The following TMED3 variants were observed in gnomAD, a reference collection of about 807,000 sequenced individuals.
TMED3 encodes transmembrane p24 trafficking protein 3.
In TMED3, 9 loss-of-function variants were observed where a neutral mutation model predicts 15.0. The ratio of observed to expected loss-of-function variants is 0.60; its 90% CI spans 0.36 to 1.04. The LOEUF (loss-of-function observed/expected upper bound fraction) is 1.04, where lower values mean the gene tolerates loss of function less well. Among genes scored for constraint, TMED3 ranks in the 50% least tolerant of loss-of-function variants. The pLI is 0.01. For synonymous variants in TMED3, 117 were observed against 121.4 expected, an observed-to-expected ratio of 0.96 and a Z score of 0.24; for missense variants, 267 against 278.9, an observed-to-expected ratio of 0.96 and a Z score of 0.30.
chr15:79,317,731 T>A (rs531422889), intron 2 of TMED3, among the ~76,000 whole-genome samples: 143 of 152,358 alleles, frequency 9.4e-4, no homozygotes, highest in African/African-American at 3.3e-3. Flanking sequence ...CACTTTGTTA[T>A]GAAGTCCTGT....
intron 2 of TMED3, among the ~76,000 whole-genome samples, chr15:79,357,002 T>A (rs539087831): frequency 6.6e-6 from 1 of 151,698 alleles, no homozygotes; most frequent in South Asian, 2.1e-4. Flanking sequence ...AAACAGAATG[T>A]GTAGTATGAA....
chr15:79,397,856 G>A (rs1893781311), intron 2 of TMED3, among the ~76,000 whole-genome samples: 1 of 152,120 alleles, frequency 6.6e-6, no homozygotes, highest in Non-Finnish European at 1.5e-5. Flanking sequence ...TAGGTTCATG[G>A]CAAAATTGAA....
intron 2 of TMED3, among the ~76,000 whole-genome samples, chr15:79,356,750 C>T (rs1015026517): frequency 3.9e-5 from 6 of 152,274 alleles, no homozygotes; most frequent in Non-Finnish European, 5.9e-5. Flanking sequence ...TTTTTCTTTT[C>T]AGGAATTTAT....
intron 2 of TMED3, among the ~76,000 whole-genome samples, chr15:79,385,298 G>C (rs1303053748): frequency 6.6e-6 from 1 of 152,166 alleles, no homozygotes; most frequent in East Asian, 1.9e-4. Context: ...GTCTAACTCA[G>C]GCAAGGTGAG....
chr15:79,331,702 A>G (rs1250869898), intron 2 of TMED3, among the ~76,000 whole-genome samples: 2 of 152,198 alleles, frequency 1.3e-5, no homozygotes, highest in East Asian at 1.9e-4. Context: ...AAACATATCA[A>G]AGATAAAAAA....
intron 2 of TMED3, among the ~76,000 whole-genome samples, chr15:79,390,403 C>T (rs1595909091): frequency 7.2e-5 from 11 of 152,162 alleles, no homozygotes; most frequent in Admixed American, 5.9e-4. Flanking sequence ...TATTGACTTG[C>T]GTATGTTAAA....
At chr15:79,328,297 C>T (rs2058794658) in intron 2 of TMED3, among the ~76,000 whole-genome samples, 1 of 152,006 alleles carries the variant, frequency 6.6e-6, no homozygotes, top group South Asian at 2.1e-4. Flanking sequence ...GTATCACTTG[C>T]CTTCGAAAAG....
At chr15:79,321,642 C>G (rs921458133) in intron 2 of TMED3, among the ~76,000 whole-genome samples, 14 of 152,134 alleles carry the variant, frequency 9.2e-5, no homozygotes, top group Non-Finnish European at 1.5e-4. Context: ...GGGATAAGCC[C>G]TCGTTAACAG....
At chr15:79,380,777 G>A (rs751384646) in intron 2 of TMED3, among the ~76,000 whole-genome samples, 3 of 151,950 alleles carry the variant, frequency 2.0e-5, no homozygotes, top group African/African-American at 4.8e-5. Context: ...CATAGGCTCC[G>A]ATGTCTCACT....
chr15:79,380,477 TTATA>T (rs1156300764), intron 2 of TMED3, among the ~76,000 whole-genome samples: 3 of 147,454 alleles, frequency 2.0e-5, no homozygotes, highest in East Asian at 2.0e-4. Flanking sequence ...TTATATATAG[TTATA>T]TATAGTTATA....
At chr15:79,383,439 T>A (rs773151556) in intron 2 of TMED3, 1 of 182,830 alleles carries the variant, frequency 5.5e-6, no homozygotes, top group Non-Finnish European at 1.1e-5. Flanking sequence ...AATTTACCCA[T>A]GGTTACAGTT....
At chr15:79,343,683 A>G (rs987667688) in intron 2 of TMED3, among the ~76,000 whole-genome samples, 12 of 152,160 alleles carry the variant, frequency 7.9e-5, no homozygotes, top group Admixed American at 2.0e-4. Context: ...GTCCAGGCAG[A>G]CATGACAATG....
chr15:79,411,320 C>A, intron 2 of TMED3: 2 of 675,288 alleles, frequency 3.0e-6, no homozygotes, highest in Middle Eastern at 2.8e-4. Context: ...CTAGAGAATG[C>A]AAATGGAGGG....
chr15:79,338,913 T>C (rs1043656797), intron 2 of TMED3, among the ~76,000 whole-genome samples: 6 of 151,390 alleles, frequency 4.0e-5, no homozygotes, highest in African/African-American at 1.5e-4. Context: ...GGAAAGGGAG[T>C]CTCCCTTTCC....
Position 79,311,152 on chromosome 15 carries a change from C to G in TMED3, c.-98C>G. On this transcript the variant is annotated 5_prime_UTR_variant, in exon 1 of 3. Coordinates refer to ENST00000299705, the MANE Select transcript of TMED3 (RefSeq NM_007364.4). ...GAGCTCCGCTGGTGCCACGTCTATC[C>G]CCTTACATCCTCCTAGGACCCGGTC... 7.5e-7 allele frequency: 1 copy of G among 1,338,532 alleles called. No homozygotes were observed. The highest frequency in any genetic ancestry group is 9.9e-7 in the Non-Finnish European group (1 of 1,009,438). The allele number at this position is 1,338,532 out of a possible 1,614,324, so 82.9% of individuals were successfully genotyped here.
At chr15:79,352,704 A>C (rs11639145) in intron 2 of TMED3, among the ~76,000 whole-genome samples, 36,349 of 143,052 alleles carry the variant, frequency 0.25, 5,671 homozygotes, top group Middle Eastern at 0.42. Context: ...GAATATATAT[A>C]TATATTTCAC....
chr15:79,343,521 G>T (rs1219482858), intron 2 of TMED3, among the ~76,000 whole-genome samples: 3 of 152,182 alleles, frequency 2.0e-5, no homozygotes, highest in African/African-American at 7.2e-5. Flanking sequence ...AAAGATATTT[G>T]GGTTGTTTCT....
At chr15:79,374,364 T>C (rs922058609) in intron 2 of TMED3, among the ~76,000 whole-genome samples, 1 of 152,190 alleles carries the variant, frequency 6.6e-6, no homozygotes, top group Non-Finnish European at 1.5e-5. Flanking sequence ...ATGAGGCATA[T>C]TGGATGTCCC....
intron 2 of TMED3, among the ~76,000 whole-genome samples, chr15:79,390,940 A>G (rs1893688207): frequency 6.6e-6 from 1 of 151,704 alleles, no homozygotes; most frequent in Non-Finnish European, 1.5e-5. Flanking sequence ...CTCCCATTTC[A>G]TTTATTATTG....
Sources: gnomAD v4.1 joint callset for allele counts (sites outside exome capture counted in the v4.1 genomes callset) on GRCh38, gnomAD v4.1.1 for gene constraint, MANE v1.5 for transcripts, NCBI Gene and HGNC (gene_info 2026-07-23, HGNC 2026-07-21) for gene names.